The following SLC16A7 variants were observed in gnomAD, a reference collection of about 807,000 sequenced individuals.
SLC16A7 encodes solute carrier family 16 member 7.
SLC16A7 carries 33 observed loss-of-function variants against 34.9 expected under a neutral mutation model. That is an observed-to-expected ratio of 0.94 (90% confidence interval 0.72 to 1.26). The LOEUF is 1.26. SLC16A7 is among the 50% of genes most tolerant of loss of function. The pLI, the probability that SLC16A7 is intolerant of heterozygous loss-of-function variation, is 0.00. For synonymous variants in SLC16A7, 201 were observed against 206.6 expected (o/e 0.97, Z 0.23); for missense variants, 573 against 578.1 (o/e 0.99, Z 0.09).
intron 1 of SLC16A7, among the ~76,000 whole-genome samples, chr12:59,611,583 C>T (rs1274682151): frequency 6.6e-6 from 1 of 152,124 alleles, no homozygotes; most frequent in Non-Finnish European, 1.5e-5. Flanking sequence ...TTCTAACAGT[C>T]CCCCAAAGTG....
Position 59,774,913 on chromosome 12 carries a change from G to A in SLC16A7, c.618G>A (p.Lys206=). The change falls in exon 5 of 6, where the codon AAG becomes AAA. Residue 206 remains lysine, a synonymous_variant. Coordinates refer to ENST00000547379, the MANE Select transcript of SLC16A7 (RefSeq NM_001270623.2). ...TTGGACCCAATCAAACCACTTCTAA[G>A]TCTAAAAATAAGACTGGCAAAACAG... is the stretch of plus-strand genomic sequence containing the variant. ...RPLGPNQTTS[K]SKNKTGKTED... is the part of the protein sequence containing the mutation. 6.2e-7 allele frequency: 1 copy of A among 1,613,870 alleles called. No homozygotes were observed. The highest frequency in any genetic ancestry group is 2.2e-5 in the East Asian group (1 of 44,850).
rs143824617 is a variant in SLC16A7 at position 59,667,912 on chromosome 12, C to T, written c.-31+12662C>T. Among the ~76,000 whole-genome samples the T allele has an allele frequency of 6.3e-3, 954 of 152,304 alleles. 11 individuals are homozygous for T. Among genetic ancestry groups the T allele is most frequent in the African/African-American group, 0.013 (543 of 41,578 alleles). On this transcript the variant is annotated intron_variant, in intron 2 of 5. Coordinates refer to ENST00000547379, the MANE Select transcript of SLC16A7 (RefSeq NM_001270623.2). ...CCCTGCATCCCAGCCATGGCTAAAA[C>T]GGGCCAAGGTATAGCTATATAGCTA...
At chr12:59,625,554 T>G (rs1400836710) in intron 1 of SLC16A7, among the ~76,000 whole-genome samples, 1 of 151,868 alleles carries the variant, frequency 6.6e-6, no homozygotes, top group East Asian at 1.9e-4. Flanking sequence ...TTTCTTCATC[T>G]GTGAATGAGA....
intron 1 of SLC16A7, among the ~76,000 whole-genome samples, chr12:59,642,018 A>C (rs1401814008): frequency 6.6e-6 from 1 of 152,054 alleles, no homozygotes; most frequent in Non-Finnish European, 1.5e-5. Flanking sequence ...ATAGTGTTAC[A>C]AAAAAAGTAT....
At chr12:59,688,540 G>A (rs1378474166) in intron 2 of SLC16A7, among the ~76,000 whole-genome samples, 1 of 152,026 alleles carries the variant, frequency 6.6e-6, no homozygotes, top group African/African-American at 2.4e-5. Context: ...ATTGTTAAGT[G>A]TCTTGCTTAT....
chr12:59,654,611 T>C (rs1868437751), intron 1 of SLC16A7, among the ~76,000 whole-genome samples: 1 of 151,848 alleles, frequency 6.6e-6, no homozygotes, highest in African/African-American at 2.4e-5. Context: ...AATTTTTAAT[T>C]AAGACATTAA....
chr12:59,742,206 A>G (rs1371689207), intron 3 of SLC16A7, among the ~76,000 whole-genome samples: 2 of 152,140 alleles, frequency 1.3e-5, no homozygotes, highest in Non-Finnish European at 2.9e-5. Flanking sequence ...TTTCTGGTAG[A>G]GTGCCCCTGG....
intron 3 of SLC16A7, among the ~76,000 whole-genome samples, chr12:59,743,534 A>G (rs956749740): frequency 7.9e-5 from 12 of 152,222 alleles, no homozygotes; most frequent in Admixed American, 1.3e-4. Flanking sequence ...CATAGCCTGA[A>G]AGATGCTCAG....
chr12:59,763,480 A>G (rs918593294), intron 3 of SLC16A7, among the ~76,000 whole-genome samples: 20 of 152,280 alleles, frequency 1.3e-4, no homozygotes, highest in Admixed American at 3.3e-4. Flanking sequence ...TCTGATTAAC[A>G]AAAAGATTAT....
chr12:59,621,891 G>T (rs573196753), intron 1 of SLC16A7, among the ~76,000 whole-genome samples: 1 of 151,646 alleles, frequency 6.6e-6, no homozygotes, highest in Non-Finnish European at 1.5e-5. Context: ...ATGCATTTTA[G>T]TTATATTTAC....
intron 2 of SLC16A7, among the ~76,000 whole-genome samples, chr12:59,660,181 T>C (rs1868766444): frequency 6.6e-6 from 1 of 152,030 alleles, no homozygotes; most frequent in Non-Finnish European, 1.5e-5. Context: ...TAAAAGAATT[T>C]TATGCTACAT....
chr12:59,733,571 G>T (rs12828834), intron 3 of SLC16A7: 34,059 of 378,654 alleles, frequency 0.09, 1,947 homozygotes, highest in South Asian at 0.17. Flanking sequence ...GCCCCAAAGG[G>T]TGTCACAGCC....
chr12:59,647,242 A>G (rs1356898740), intron 1 of SLC16A7, among the ~76,000 whole-genome samples: 3 of 152,150 alleles, frequency 2.0e-5, no homozygotes, highest in African/African-American at 7.2e-5. Flanking sequence ...TGTAGTTCCC[A>G]TAATCCCCAT....
In SLC16A7 at chr12:59,775,151, C is replaced by G. The variant is rs921177615; in HGVS notation, c.856C>G (p.Leu286Val). The G allele has an allele frequency of 3.7e-6, 6 of 1,613,964 alleles. No homozygotes were observed. In the African/African-American group the frequency reaches 6.7e-5, roughly 18 times the overall value. The change falls in exon 5 of 6, where the codon CTA (leucine) becomes GTA (valine). Residue 286 changes from leucine (L) to valine (V), a missense_variant. By Grantham distance (32) the Leu-to-Val change is conservative. Transcript: ENST00000547379. ...TGATGAGTACTCGGCAGCTTTTCTGCTATCTGTTATGGCTTTCGTTGATAT... is the reference window on the plus strand; with the variant it reads ...TGATGAGTACTCGGCAGCTTTTCTGGTATCTGTTATGGCTTTCGTTGATAT... ...GIDEYSAAFLLSVMAFVDMFA... is the reference protein window; with the variant it reads ...GIDEYSAAFLVSVMAFVDMFA...
At chr12:59,709,636 C>G (rs555811091) in intron 3 of SLC16A7, among the ~76,000 whole-genome samples, 21 of 151,594 alleles carry the variant, frequency 1.4e-4, no homozygotes, top group Non-Finnish European at 2.9e-4. Flanking sequence ...GAGCTTTCAT[C>G]TTAGATTTAT....
intron 3 of SLC16A7, among the ~76,000 whole-genome samples, chr12:59,706,664 G>A (rs1443048258): frequency 6.6e-6 from 1 of 152,062 alleles, no homozygotes; most frequent in Non-Finnish European, 1.5e-5. Flanking sequence ...AGATATTCCT[G>A]TATCCTGTGG....
intron 3 of SLC16A7, chr12:59,769,457 T>A (rs1882010718): frequency 6.6e-6 from 1 of 152,130 alleles, no homozygotes; most frequent in Admixed American, 6.6e-5. Context: ...CTTGTACAAT[T>A]TTCTTTTAGT....
At chr12:59,673,570 T>C (rs548052831) in intron 2 of SLC16A7, among the ~76,000 whole-genome samples, 1 of 152,212 alleles carries the variant, frequency 6.6e-6, no homozygotes, top group Non-Finnish European at 1.5e-5. Context: ...GTATATTTTC[T>C]TCTCTTTTGT....
At chr12:59,648,569 A>G (rs1868288979) in intron 1 of SLC16A7, among the ~76,000 whole-genome samples, 1 of 152,150 alleles carries the variant, frequency 6.6e-6, no homozygotes, top group Non-Finnish European at 1.5e-5. Context: ...ACCATGATGT[A>G]GTGTAACTGG....
Sources: allele counts gnomAD v4.1 joint callset (sites outside exome capture counted in the v4.1 genomes callset), GRCh38; gene constraint gnomAD v4.1.1; transcripts MANE v1.5; gene names NCBI Gene and HGNC (gene_info 2026-07-23, HGNC 2026-07-21).